Variants in IL31RA observed in about 807,000 individuals in gnomAD.
IL31RA encodes the protein interleukin-31 receptor subunit alpha.
A neutral mutation model predicts 83.7 loss-of-function variants in IL31RA; 66 were observed. The ratio of observed to expected loss-of-function variants is 0.79; its 90% CI spans 0.65 to 0.97. IL31RA has a LOEUF of 0.97. Ranked by LOEUF, IL31RA falls within the 50% of genes least tolerant of loss-of-function variation. The pLI, the probability that IL31RA is intolerant of heterozygous loss-of-function variation, is 0.00. For missense variants in IL31RA, 798 were observed against 919.4 expected, an observed-to-expected ratio of 0.87 and a Z score of 1.71; for synonymous variants, 325 against 329.0, an observed-to-expected ratio of 0.99 and a Z score of 0.13.
At chr5:55,905,866 G>T (rs1483150492) in intron 8 of IL31RA, among the ~76,000 whole-genome samples, 1 of 152,152 alleles carries the variant, frequency 6.6e-6, no homozygotes, top group African/African-American at 2.4e-5. Flanking sequence ...TCCTTTTCTG[G>T]AAACAGGTCA....
At chr5:55,916,529 G>T in intron 14 of IL31RA, 115 bp from the exon 15 acceptor site, 1 of 865,964 alleles carries the variant, frequency 1.2e-6, no homozygotes. Context: ...GGCCTGGGAG[G>T]AAGGTGGGGG....
chr5:55,868,705 T>TAAAA, intron 2 of IL31RA, 86 bp from the exon 3 acceptor site: 1 of 862,774 alleles, frequency 1.2e-6, no homozygotes, highest in Admixed American at 1.7e-5. Context: ...ATCAGCATAT[T>TAAAA]TTCCATTAAA....
intron 5 of IL31RA, among the ~76,000 whole-genome samples, chr5:55,887,272 G>C (rs919544001): frequency 1.8e-4 from 27 of 152,074 alleles, no homozygotes; most frequent in African/African-American, 6.5e-4. Context: ...AAGATCACAG[G>C]GCTTGTCAGT....
chr5:55,913,636 G>A (rs1455911363), intron 13 of IL31RA, 66 bp downstream of exon 13: 4 of 994,674 alleles, frequency 4.0e-6, no homozygotes, highest in South Asian at 2.5e-5. Flanking sequence ...AGTCATCATA[G>A]GTGCTTCGTA....
intron 4 of IL31RA, among the ~76,000 whole-genome samples, chr5:55,880,332 AG>A (rs1747127027): frequency 6.6e-6 from 1 of 152,172 alleles, no homozygotes; most frequent in Non-Finnish European, 1.5e-5. Context: ...CATGTCTCTA[AG>A]TAGGGATTTT....
chr5:55,884,199 G>C (rs1242656731), intron 5 of IL31RA, among the ~76,000 whole-genome samples: 1 of 152,018 alleles, frequency 6.6e-6, no homozygotes, highest in Non-Finnish European at 1.5e-5. Flanking sequence ...TATTTGTTAC[G>C]TGTATTGCAA....
chr5:55,922,284 C>T lies in IL31RA; in HGVS notation c.*5164C>T, dbSNP rs72763895. 43,630 of 836,804 alleles carry T rather than the reference C, an allele frequency of 0.052. 1,361 individuals are homozygous for T. The highest frequency in any genetic ancestry group is 0.067 in the Middle Eastern group (310 of 4,600). 51.8% of individuals were successfully genotyped at this position (836,804 alleles called of 1,614,324 possible). On this transcript the variant is annotated 3_prime_UTR_variant, in exon 15 of 15. Coordinates refer to ENST00000652347, the MANE Select transcript of IL31RA (RefSeq NM_139017.7). ...GCTGATGAAAAGGGCTGGGGAGAAG[C>T]AAGGGGCAGGGGAGGGGCAGAACTC...
the IL31RA span, chr5:55,839,995 A>C: frequency 1.9e-6 from 1 of 538,462 alleles, no homozygotes; most frequent in Non-Finnish European, 3.5e-6. Flanking sequence ...TTCAACATAA[A>C]CCCCTCGCCA....
At chr5:55,867,268 C>CGTGTGTGTGTGCGT (rs56374716) in intron 2 of IL31RA, among the ~76,000 whole-genome samples, 2 of 127,840 alleles carry the variant, frequency 1.6e-5, no homozygotes, top group Non-Finnish European at 3.3e-5. Flanking sequence ...TGTTTGTGTG[C>CGTGTGTGTGTGCGT]GTGTGTGTGC....
In IL31RA at chr5:55,872,417, A is replaced by T. The variant is rs1746573553; in HGVS notation, c.420A>T (p.Lys140Asn). 1 of 1,608,894 alleles carries T rather than the reference A, an allele frequency of 6.2e-7. No individual in the cohort carries two copies. The highest frequency in any genetic ancestry group is 8.5e-7 in the Non-Finnish European group (1 of 1,175,526). Residue 140 changes from lysine (K) to asparagine (N), a missense_variant, in exon 4 of 15, where the codon AAA becomes AAT. Coordinates refer to ENST00000652347, the MANE Select transcript of IL31RA (RefSeq NM_139017.7). ...CTGAAAATGGAGATGGTGTAATTAA[A>T]TCTCATATGACATACTGGAGATTAG... ...VEAENGDGVI[K>N]SHMTYWRLEN...
Position 55,900,110 on chromosome 5 carries a change from G to T in IL31RA, c.1047G>T (p.Arg349Ser). Residue 349 changes from arginine (R) to serine (S), a missense_variant, in exon 8 of 15, where the codon AGG (arginine) becomes AGT (serine). By Grantham distance (110) the Arg-to-Ser change is moderately radical. Transcript: ENST00000652347. ...GGAAGTCTCCAGTGGCCACCCTGAG[G>T]ATTCCAGCTATTCAAGAAAAATGTA... ...SLGKSPVATL[R>S]IPAIQEKSFQ... 1 of 1,613,510 alleles carries T rather than the reference G, an allele frequency of 6.2e-7. No individual in the cohort carries two copies. The highest frequency in any genetic ancestry group is 1.7e-5 in the Admixed American group (1 of 60,016).
At chr5:55,883,342 C>G (rs995666130) in intron 5 of IL31RA, 147 bp downstream of exon 5, 6 of 812,246 alleles carry the variant, frequency 7.4e-6, no homozygotes, top group Admixed American at 6.8e-5. Context: ...TTCCAGTTTT[C>G]CATTTTTCCA....
At chr5:55,861,318 T>C (rs1745672484) in intron 2 of IL31RA, among the ~76,000 whole-genome samples, 1 of 152,114 alleles carries the variant, frequency 6.6e-6, no homozygotes, top group Admixed American at 6.5e-5. Flanking sequence ...CTGCAGACCA[T>C]GTTAGGAACT....
chr5:55,896,003 C>T (rs1438884361), intron 6 of IL31RA, among the ~76,000 whole-genome samples: 1 of 152,024 alleles, frequency 6.6e-6, no homozygotes, highest in Non-Finnish European at 1.5e-5. Context: ...GTGTCATTCC[C>T]AGCTATAATA....
At chr5:55,875,149 T>A (rs2112398304) in intron 4 of IL31RA, among the ~76,000 whole-genome samples, 1 of 152,316 alleles carries the variant, frequency 6.6e-6, no homozygotes, top group Admixed American at 6.5e-5. Flanking sequence ...TTGTCTTTTA[T>A]TAAAATGGTG....
intron 5 of IL31RA, among the ~76,000 whole-genome samples, chr5:55,886,690 A>C (rs1050613889): frequency 8.5e-5 from 13 of 152,134 alleles, no homozygotes; most frequent in Admixed American, 6.5e-5. Context: ...AAGGGTCCAA[A>C]TTATTAACTC....
intron 2 of IL31RA, among the ~76,000 whole-genome samples, chr5:55,867,268 C>CGTGTGTGTGTGCGCGT (rs56374716): frequency 7.8e-6 from 1 of 127,840 alleles, no homozygotes; most frequent in Non-Finnish European, 1.6e-5. Flanking sequence ...TGTTTGTGTG[C>CGTGTGTGTGTGCGCGT]GTGTGTGTGC....
intron 2 of IL31RA, among the ~76,000 whole-genome samples, chr5:55,868,373 T>G (rs1580670826): frequency 6.6e-6 from 1 of 152,306 alleles, no homozygotes; most frequent in East Asian, 1.9e-4. Flanking sequence ...AAAAGAAAAT[T>G]GTTGATACAT....
At chr5:55,888,019 C>T (rs1011081828) in intron 5 of IL31RA, among the ~76,000 whole-genome samples, 7 of 151,138 alleles carry the variant, frequency 4.6e-5, no homozygotes, top group African/African-American at 1.7e-4. Context: ...CACTGCACTC[C>T]AGCCTGGGCA....
Sources: gnomAD v4.1 joint callset for allele counts (sites outside exome capture counted in the v4.1 genomes callset) on GRCh38, gnomAD v4.1.1 for gene constraint, MANE v1.5 for transcripts, NCBI Gene and HGNC (gene_info 2026-07-23, HGNC 2026-07-21) for gene names.